PDK3: variants seen among roughly 807,000 people sequenced by gnomAD.
PDK3 encodes the protein pyruvate dehydrogenase kinase, isozyme 3.
In PDK3, 12 loss-of-function variants were observed where a neutral mutation model predicts 32.0. The observed-to-expected ratio is 0.37, with a 90% confidence interval of 0.24 to 0.61. The LOEUF is 0.61. Among genes scored for constraint, PDK3 ranks in the 20% least tolerant of loss-of-function variants. The pLI is 0.65. For synonymous variants in PDK3, 122 were observed against 116.3 expected (o/e 1.05, Z -0.31); for missense variants, 188 against 316.9 (o/e 0.59, Z 3.09).
chrX:24,470,616 G>C (rs926530257), intron 1 of PDK3, among the ~76,000 whole-genome samples: 1 of 103,739 alleles, frequency 9.6e-6, no homozygotes, highest in Non-Finnish European at 2.0e-5. Flanking sequence ...GAACCCAGGA[G>C]GCGGAGGTTG....
exon 12 of PDK3, chrX:24,549,601 T>C (rs1398463180): frequency 9.0e-6 from 1 of 111,644 alleles, no homozygotes; most frequent in Non-Finnish European, 1.9e-5. Context: ...AGTGCTACAT[T>C]GTGATTAGAA....
intron 2 of PDK3, among the ~76,000 whole-genome samples, chrX:24,496,470 T>A (rs1921703700): frequency 9.1e-6 from 1 of 109,893 alleles, no homozygotes; most frequent in African/African-American, 3.3e-5. Flanking sequence ...CACAATGTGA[T>A]CATCAAATTT....
At chrX:24,478,730 C>T (rs1259521273) in intron 1 of PDK3, among the ~76,000 whole-genome samples, 1 of 111,879 alleles carries the variant, frequency 8.9e-6, no homozygotes, top group Non-Finnish European at 1.9e-5. Context: ...CATTTATATT[C>T]GCTCTAATTG....
chrX:24,493,927 A>G (rs776685928), intron 1 of PDK3, among the ~76,000 whole-genome samples: 2 of 111,992 alleles, frequency 1.8e-5, no homozygotes, highest in African/African-American at 3.2e-5. Flanking sequence ...GGCTGATGCT[A>G]GAACTCTTCC....
At chrX:24,470,891 A>G (rs1920984930) in intron 1 of PDK3, among the ~76,000 whole-genome samples, 1 of 108,756 alleles carries the variant, frequency 9.2e-6, no homozygotes, top group Admixed American at 1.0e-4. Context: ...GACTTTTGTT[A>G]TCTAGTTTAT....
chrX:24,542,789 C>T (rs955220056), exon 12 of PDK3, among the ~76,000 whole-genome samples: 1 of 112,581 alleles, frequency 8.9e-6, no homozygotes, highest in South Asian at 3.7e-4. Flanking sequence ...TACAAAGACT[C>T]CACATTTGAG....
intron 5 of PDK3, among the ~76,000 whole-genome samples, chrX:24,513,881 T>C (rs1397051170): frequency 8.9e-6 from 1 of 112,018 alleles, no homozygotes; most frequent in African/African-American, 3.2e-5. Context: ...TCAGCACTTT[T>C]CTAATGTTTT....
intron 1 of PDK3, among the ~76,000 whole-genome samples, chrX:24,484,263 C>T (rs1224138191): frequency 8.9e-6 from 1 of 112,111 alleles, no homozygotes; most frequent in African/African-American, 3.2e-5. Flanking sequence ...ATCCTCCCAC[C>T]TTGGCTTCCC....
At chrX:24,494,213 C>G (rs1921643787) in intron 1 of PDK3, among the ~76,000 whole-genome samples, 1 of 112,193 alleles carries the variant, frequency 8.9e-6, no homozygotes, top group African/African-American at 3.2e-5. Flanking sequence ...AGCCCCTCCT[C>G]TGGAAGCACA....
At chrX:24,539,378 C>A, downstream of PDK3, 1 of 397,514 alleles carries the variant, frequency 2.5e-6, no homozygotes, top group Non-Finnish European at 4.4e-6. Context: ...TTAATGACAT[C>A]TTGCTGTGGT....
At chrX:24,524,932 C>T (rs1922486146) in intron 6 of PDK3, among the ~76,000 whole-genome samples, 1 of 111,941 alleles carries the variant, frequency 8.9e-6, no homozygotes, top group Non-Finnish European at 1.9e-5. Context: ...CCGAGGTGGG[C>T]AAACACCTGA....
In PDK3 at chrX:24,494,739, T is replaced by G; in HGVS notation, c.107-3T>G. ...TCATGGAACATTTTTCATGTCTTAA[T>G]AGGGAGAGATAATGCATGTGAGAAA... On this transcript the variant is annotated splice_region_variant and splice_polypyrimidine_tract_variant and intron_variant, in intron 1 of 10. Coordinates refer to ENST00000379162, the MANE Select transcript of PDK3 (RefSeq NM_005391.5). 8.5e-7 allele frequency: 1 copy of G among 1,177,340 alleles called. No homozygotes were observed. The highest frequency in any genetic ancestry group is 1.2e-6 in the Non-Finnish European group (1 of 869,023).
intron 5 of PDK3, among the ~76,000 whole-genome samples, chrX:24,508,979 A>G (rs2148193972): frequency 9.0e-6 from 1 of 111,696 alleles, no homozygotes; most frequent in Admixed American, 9.5e-5. Context: ...GGCCTCCCAA[A>G]GTGCTGGGAT....
chrX:24,479,182 G>A (rs898232227), intron 1 of PDK3, among the ~76,000 whole-genome samples: 2 of 112,180 alleles, frequency 1.8e-5, no homozygotes, highest in African/African-American at 6.5e-5. Flanking sequence ...TATAACTTTG[G>A]TTAATTTCTC....
At chrX:24,532,077 C>T (rs1922663320) in intron 10 of PDK3, among the ~76,000 whole-genome samples, 2 of 110,998 alleles carry the variant, frequency 1.8e-5, no homozygotes, top group South Asian at 7.7e-4. Context: ...ACCAGCCTGG[C>T]CAACATGGTG....
rs768286680 is a variant in PDK3 at position 24,534,000 on chromosome X, G to A, written c.1149G>A (p.Thr383=). ...CCGCATGGCGCCATTACAAGACCACGCCTGAAGCCGATGATTGGAGCAATC... is the reference window on the plus strand; with the variant it reads ...CCGCATGGCGCCATTACAAGACCACACCTGAAGCCGATGATTGGAGCAATC... ...NKSAWRHYKT[T]PEADDWSNPS... Residue 383 remains threonine, a synonymous_variant, in exon 11 of 11, where the codon ACG becomes ACA. Coordinates refer to ENST00000379162, the MANE Select transcript of PDK3 (RefSeq NM_005391.5). The A allele has an allele frequency of 3.5e-5, 42 of 1,208,593 alleles. No homozygotes were observed. The East Asian group carries it at 9.8e-4, about 28-fold the overall frequency.
exon 12 of PDK3, among the ~76,000 whole-genome samples, chrX:24,541,354 A>G (rs1314252353): frequency 1.8e-5 from 2 of 111,318 alleles, no homozygotes; most frequent in Non-Finnish European, 3.8e-5. Flanking sequence ...TGACTCTGAC[A>G]GCGTTTCTCT....
At chrX:24,544,780 G>A (rs973643628) in exon 12 of PDK3, among the ~76,000 whole-genome samples, 4 of 111,892 alleles carry the variant, frequency 3.6e-5, no homozygotes, top group Admixed American at 9.5e-5. Context: ...TGGATGTGTG[G>A]GTCAGAGGGC....
intron 5 of PDK3, among the ~76,000 whole-genome samples, chrX:24,510,870 G>A (rs780139116): frequency 4.5e-5 from 5 of 112,333 alleles, no homozygotes; most frequent in African/African-American, 6.5e-5. Flanking sequence ...AAGGAAACCT[G>A]CAGGCCTCTC....
Sources: allele counts gnomAD v4.1 joint callset (sites outside exome capture counted in the v4.1 genomes callset), GRCh38; gene constraint gnomAD v4.1.1; transcripts MANE v1.5; gene names NCBI Gene and HGNC (gene_info 2026-07-23, HGNC 2026-07-21).